The following PTPRS variants were observed in gnomAD, a reference collection of about 807,000 sequenced individuals.
PTPRS encodes receptor-type tyrosine-protein phosphatase S.
Under a neutral mutation model 215.3 loss-of-function variants are expected in PTPRS, and 63 were observed. The observed-to-expected ratio is 0.29, with a 90% CI of 0.24 to 0.36. PTPRS has a LOEUF of 0.36. Ranked by LOEUF, PTPRS falls within the 10% of genes least tolerant of loss-of-function variation. The probability of loss-of-function intolerance (pLI) is 1.00; values close to 1 mark genes in which losing one functional copy is unlikely to be tolerated. For synonymous variants in PTPRS, 1,404 were observed against 1,191.4 expected (o/e 1.18, Z -3.68); for missense variants, 2,258 against 2,825.8 (o/e 0.80, Z 4.56).
In PTPRS at chr19:5,250,956, G is replaced by A. The variant is rs1185440316; in HGVS notation, c.719-4911C>T. On this transcript the variant is annotated intron_variant, in intron 9 of 37. Transcript: ENST00000262963. ...AGGGGTGCGGGGGCGGCGGGGGGGGGGGGGGGGGCTCTGCTGGGCATTTTG... is the reference window on the plus strand; with the variant it reads ...AGGGGTGCGGGGGCGGCGGGGGGGGAGGGGGGGGCTCTGCTGGGCATTTTG... 7.9e-5 allele frequency: 8 copies of A among 101,576 alleles called. 1 individual carries two copies. Among genetic ancestry groups the A allele is most frequent in the African/African-American group, 2.3e-4 (7 of 30,876 alleles). The allele number at this position is 101,576 out of a possible 1,614,324, so 6.3% of individuals were successfully genotyped here. A position where few individuals can be genotyped will look rare whatever the true frequency, so the allele number is the denominator to read the frequency against.
Position 5,258,053 on chromosome 19 carries a change from C to T in PTPRS, c.670G>A (p.Val224Met), listed in dbSNP as rs759053243. 20 of 1,614,038 alleles carry T rather than the reference C, an allele frequency of 1.2e-5. No individual in the cohort carries two copies. In the East Asian group the frequency reaches 1.3e-4, roughly 11 times the overall value. Residue 224 changes from valine to methionine, a missense_variant, in exon 8 of 38, where the codon GTG (valine) becomes ATG (methionine). Physicochemically the swap from Val to Met is conservative, Grantham distance 21. Coordinates refer to ENST00000262963, the MANE Select transcript of PTPRS (RefSeq NM_002850.4). ...YECVATNSAG[V>M]RYSSPANLYV... is the part of the protein sequence containing the mutation. Reference sequence around the variant, plus strand: ...AGGTTGGCAGGTGAGGAGTAGCGCACGCCGGCGCTGTTGGTGGCCACACAC... The same window carrying T: ...AGGTTGGCAGGTGAGGAGTAGCGCATGCCGGCGCTGTTGGTGGCCACACAC...
intron 2 of PTPRS, among the ~76,000 whole-genome samples, chr19:5,280,381 G>C (rs1402116788): frequency 6.6e-6 from 1 of 152,190 alleles, no homozygotes; most frequent in Non-Finnish European, 1.5e-5. Flanking sequence ...CTCTGCTCCT[G>C]TTGATATGAC....
intron 30 of PTPRS, 66 bp from the exon 31 acceptor site, chr19:5,212,557 C>G: frequency 6.6e-7 from 1 of 1,517,890 alleles, no homozygotes; most frequent in Non-Finnish European, 8.9e-7. Flanking sequence ...TGAAGATGCC[C>G]AAGTGGCCGG....
At chr19:5,322,477 G>C (rs982446152) in intron 1 of PTPRS, among the ~76,000 whole-genome samples, 1 of 152,098 alleles carries the variant, frequency 6.6e-6, no homozygotes, top group Non-Finnish European at 1.5e-5. Context: ...AAGCAGCCGC[G>C]GGGACCGACT....
intron 9 of PTPRS, among the ~76,000 whole-genome samples, chr19:5,249,880 T>A (rs967388114): frequency 6.6e-6 from 1 of 152,258 alleles, no homozygotes; most frequent in African/African-American, 2.4e-5. Flanking sequence ...GGTCAACATC[T>A]TATCCAAAAG....
At chr19:5,220,411 T>C in intron 20 of PTPRS, 58 bp from the exon 21 acceptor site, 2 of 1,420,626 alleles carry the variant, frequency 1.4e-6, no homozygotes, top group Non-Finnish European at 2.0e-6. Context: ...CAAGGGATGC[T>C]TCATGGGGGC....
intron 33 of PTPRS, 114 bp downstream of exon 33, chr19:5,211,476 C>T (rs2040878594): frequency 3.7e-6 from 4 of 1,089,214 alleles, no homozygotes; most frequent in Non-Finnish European, 3.8e-6. Context: ...TGTATTTAAA[C>T]AGCTCAGGGC....
chr19:5,240,077 T>A, intron 12 of PTPRS, 122 bp downstream of exon 12: 6 of 1,143,438 alleles, frequency 5.2e-6, no homozygotes, highest in South Asian at 4.2e-5. Flanking sequence ...GCAGAAGGGG[T>A]GAGGAAGAGC....
intron 1 of PTPRS, among the ~76,000 whole-genome samples, chr19:5,301,076 G>C (rs562682127): frequency 8.1e-4 from 124 of 152,314 alleles, no homozygotes; most frequent in Middle Eastern, 3.4e-3. Context: ...GATCTCCCTG[G>C]CTGGCCAGCA....
Position 5,205,655 on chromosome 19 carries a change from T to C in PTPRS, c.*1119A>G, listed in dbSNP as rs2040308082. ...AGAGGAACAACTCGCTTGCTCAGGG[T>C]AGGCGGGTAGAGGGGGGCCTGTCCT... On this transcript the variant is annotated 3_prime_UTR_variant, in exon 38 of 38. Coordinates refer to ENST00000262963, the MANE Select transcript of PTPRS (RefSeq NM_002850.4). Among the ~76,000 whole-genome samples, 1 of 152,080 alleles carries C rather than the reference T, an allele frequency of 6.6e-6. No individual in the cohort carries two copies. Among genetic ancestry groups the C allele is most frequent in the Non-Finnish European group, 1.5e-5 (1 of 68,006 alleles).
intron 1 of PTPRS, among the ~76,000 whole-genome samples, chr19:5,305,765 A>ATTTTT (rs144512818): frequency 9.6e-5 from 9 of 93,438 alleles, no homozygotes; most frequent in African/African-American, 4.1e-4. Context: ...ATATATATAT[A>ATTTTT]TTTTTTTTTT....
intron 4 of PTPRS, among the ~76,000 whole-genome samples, chr19:5,266,166 GA>G (rs1387426682): frequency 6.6e-6 from 1 of 151,990 alleles, no homozygotes; most frequent in Non-Finnish European, 1.5e-5. Context: ...GACTGAGGCA[GA>G]AAAATCACTT....
In PTPRS at chr19:5,244,763, G is replaced by A. The variant is rs920662207; in HGVS notation, c.989-281C>T. Among the ~76,000 whole-genome samples, 1 of 151,966 alleles carries A rather than the reference G, an allele frequency of 6.6e-6. No homozygotes were observed. The highest frequency in any genetic ancestry group is 2.4e-5 in the African/African-American group (1 of 41,352). On this transcript the variant is annotated intron_variant, in intron 10 of 37. Transcript: ENST00000262963. This position sits in a 1 kb window ranked among gnomAD's most constrained non-coding sequence, Gnocchi z 7.2. ...CGGCTCACTGCAAGCTCCGTCTCCC[G>A]GGTTCACACAATTCTCCTGCCTCAG...
intron 1 of PTPRS, chr19:5,286,483 G>GGAGTGTTT (rs2048362350): frequency 3.1e-6 from 1 of 319,974 alleles, no homozygotes; most frequent in Non-Finnish European, 6.1e-6. Flanking sequence ...AACAGGAGAT[G>GGAGTGTTT]GAGTGTTTGG....
chr19:5,249,883 T>G (rs924290683), intron 9 of PTPRS, among the ~76,000 whole-genome samples: 2 of 152,246 alleles, frequency 1.3e-5, no homozygotes, highest in African/African-American at 4.8e-5. Flanking sequence ...CAACATCTTA[T>G]CCAAAAGACC....
At chr19:5,221,284 G>A in intron 19 of PTPRS, 31 bp from the exon 20 acceptor site, 1 of 1,594,230 alleles carries the variant, frequency 6.3e-7, no homozygotes, top group Non-Finnish European at 8.6e-7. Context: ...AGCAGGGCCT[G>A]GTGGGCTCAT....
intron 1 of PTPRS, among the ~76,000 whole-genome samples, chr19:5,291,672 C>G (rs1467730153): frequency 6.6e-6 from 1 of 152,202 alleles, no homozygotes; most frequent in East Asian, 1.9e-4. Context: ...GCAGGTCCCC[C>G]ACCTGGCACA....
intron 1 of PTPRS, among the ~76,000 whole-genome samples, chr19:5,297,386 C>T (rs1452283322): frequency 1.3e-5 from 2 of 152,152 alleles, no homozygotes; most frequent in Non-Finnish European, 2.9e-5. Context: ...TTCATGCGGC[C>T]GTTCTCATTC....
rs760418863 is a variant in PTPRS, at chr19:5,214,437, T to C, written c.4538A>G (p.Tyr1513Cys). ...QYWPNRGTET[Y>C]GFIQVTLLDT... ...TAGCAACGTGACCTGGATGAAGCCGTAGGTCTCCGTGCCTCTGTTGGGCCA... is the reference window on the plus strand; with the variant it reads ...TAGCAACGTGACCTGGATGAAGCCGCAGGTCTCCGTGCCTCTGTTGGGCCA... The change falls in exon 30 of 38, where the codon TAC (tyrosine) becomes TGC (cysteine). Residue 1513 changes from tyrosine (Y) to cysteine (C), a missense_variant. By Grantham distance (194) the Tyr-to-Cys change is radical. Around this residue, in one of 6 missense-constraint regions of PTPRS, gnomAD observed 927 missense variants for 1,125.9 expected, o/e 0.82. Transcript: ENST00000262963. 2 of 1,614,046 alleles carry C rather than the reference T, an allele frequency of 1.2e-6. No homozygotes were observed. The highest frequency in any genetic ancestry group is 2.7e-5 in the African/African-American group (2 of 74,944).
Sources: allele counts gnomAD v4.1 joint callset (sites outside exome capture counted in the v4.1 genomes callset), GRCh38; gene constraint gnomAD v4.1.1; regional missense constraint gnomAD v4.1.1; non-coding constraint Gnocchi (gnomAD v3.1); transcripts MANE v1.5; gene names NCBI Gene and HGNC (gene_info 2026-07-23, HGNC 2026-07-21).